CTNNB1: variants seen among roughly 807,000 people sequenced by gnomAD.
The protein encoded by CTNNB1 is catenin beta-1.
CTNNB1 carries 6 observed loss-of-function variants against 82.5 expected under a neutral mutation model. The observed-to-expected ratio is 0.07, with a 90% CI of 0.04 to 0.14. The LOEUF (loss-of-function observed/expected upper bound fraction) is 0.14. CTNNB1 is among the 10% of genes least tolerant of loss of function. The pLI is 1.00. For synonymous variants in CTNNB1, 312 were observed against 329.7 expected (o/e 0.95, Z 0.58); for missense variants, 529 against 980.4 (o/e 0.54, Z 6.15).
chr3:41,218,252 A>G (rs1039979541), intron 1 of CTNNB1, among the ~76,000 whole-genome samples: 1 of 152,120 alleles, frequency 6.6e-6, no homozygotes, highest in South Asian at 2.1e-4. Flanking sequence ...AAATTGCCAC[A>G]TTATATCTGG....
chr3:41,238,545 A>G (rs1164274537), intron 14 of CTNNB1: 1 of 192,968 alleles, frequency 5.2e-6, no homozygotes, highest in African/African-American at 2.4e-5. Flanking sequence ...ACTAACAATT[A>G]TAACTGTCTT....
intron 6 of CTNNB1, among the ~76,000 whole-genome samples, chr3:41,226,718 TGAAAG>T (rs1162958829): frequency 2.0e-5 from 3 of 152,050 alleles, no homozygotes; most frequent in Non-Finnish European, 2.9e-5. Context: ...GGGGCAGTGT[TGAAAG>T]GGAAGATATA....
chr3:41,215,879 T>A (rs1044846029), intron 1 of CTNNB1, among the ~76,000 whole-genome samples: 3 of 152,202 alleles, frequency 2.0e-5, no homozygotes, highest in Non-Finnish European at 4.4e-5. Flanking sequence ...ATTTCAAGTA[T>A]TAAAAGTTTT....
At chr3:41,231,450 T>C (rs1391795335) in intron 7 of CTNNB1, among the ~76,000 whole-genome samples, 1 of 152,034 alleles carries the variant, frequency 6.6e-6, no homozygotes, top group Non-Finnish European at 1.5e-5. Flanking sequence ...AGCAGAGCCA[T>C]AACATGCAGG....
chr3:41,232,496 C>G (rs1371873361), intron 7 of CTNNB1, among the ~76,000 whole-genome samples: 1 of 151,716 alleles, frequency 6.6e-6, no homozygotes, highest in African/African-American at 2.4e-5. Context: ...AAAACAGACC[C>G]GAAAGATGAA....
intron 2 of CTNNB1, 177 bp downstream of exon 2, chr3:41,224,258 C>G: frequency 1.2e-6 from 1 of 816,028 alleles, no homozygotes; most frequent in Non-Finnish European, 2.1e-6. Context: ...AAGCCACCAG[C>G]AGGAATCTAG....
Position 41,233,324 on chromosome 3 carries a change from C to G in CTNNB1, c.1082-17C>G, listed in dbSNP as rs2293302. The stretch of plus-strand genomic sequence containing the variant: ...CTAGCTAATGACTAGGGCCTTATAT[C>G]CTTTTTAATTTTCTAGGTGGAATGC... On this transcript the variant is annotated splice_polypyrimidine_tract_variant and intron_variant, in intron 7 of 14. Coordinates refer to ENST00000349496, the MANE Select transcript of CTNNB1 (RefSeq NM_001904.4). 28,207 of 1,611,154 alleles carry G rather than the reference C, an allele frequency of 0.018. 424 individuals carry two copies. Among genetic ancestry groups the G allele is most frequent in the African/African-American group, 0.053 (3,990 of 74,950 alleles).
intron 10 of CTNNB1, chr3:41,235,051 A>G (rs1411613300): frequency 6.5e-6 from 1 of 154,166 alleles, no homozygotes; most frequent in African/African-American, 2.4e-5. Context: ...CGTTGAGGGC[A>G]CCTTTTATTT....
At chr3:41,213,906 G>C (rs1289384739) in intron 1 of CTNNB1, among the ~76,000 whole-genome samples, 1 of 152,176 alleles carries the variant, frequency 6.6e-6, no homozygotes, top group Non-Finnish European at 1.5e-5. Context: ...ATGTAAGAGA[G>C]CCTCATAATT....
At chr3:41,230,559 A>G (rs1328262969) in intron 7 of CTNNB1, among the ~76,000 whole-genome samples, 1 of 152,250 alleles carries the variant, frequency 6.6e-6, no homozygotes, top group East Asian at 1.9e-4. Flanking sequence ...AGTCTTGTGA[A>G]GGTGACAAAA....
rs766044050 is a variant in CTNNB1, at chr3:41,224,515, C to T, written c.14-11C>T. 8 of 1,608,278 alleles carry T rather than the reference C, an allele frequency of 5.0e-6. No homozygotes were observed. The highest frequency in any genetic ancestry group is 2.2e-5 in the South Asian group (2 of 90,888). On this transcript the variant is annotated splice_polypyrimidine_tract_variant and intron_variant, in intron 2 of 14. Coordinates refer to ENST00000349496, the MANE Select transcript of CTNNB1 (RefSeq NM_001904.4). ...CAATCTACTAATGCTAATACTGTTT[C>T]GTATTTATAGCTGATTTGATGGAGT...
chr3:41,234,062 A>G, intron 9 of CTNNB1, 77 bp from the exon 10 acceptor site: 1 of 1,585,780 alleles, frequency 6.3e-7, no homozygotes, highest in Non-Finnish European at 8.7e-7. Flanking sequence ...ATACCAATAG[A>G]TTTAGTGTGG....
chr3:41,206,223 AT>A (rs879668656), intron 1 of CTNNB1, among the ~76,000 whole-genome samples: 1 of 152,154 alleles, frequency 6.6e-6, no homozygotes, highest in Non-Finnish European at 1.5e-5. Context: ...CTTGGGGGGT[AT>A]TTTTAACCTA....
intron 11 of CTNNB1, 147 bp from the exon 12 acceptor site, chr3:41,236,202 A>T (rs1207607907): frequency 9.9e-7 from 1 of 1,009,406 alleles, no homozygotes; most frequent in African/African-American, 1.6e-5. Context: ...AGCATTAAAC[A>T]CCCCAAGACA....
rs535312947 is a variant in CTNNB1 at position 41,240,392 on chromosome 3, A to G, written c.*1050A>G. The G allele has an allele frequency of 6.0e-5, 11 of 183,858 alleles. No homozygotes were observed. The highest frequency in any genetic ancestry group is 2.0e-4 in the South Asian group (1 of 5,092). 11.4% of individuals were successfully genotyped at this position (183,858 alleles called of 1,614,324 possible). On this transcript the variant is annotated 3_prime_UTR_variant, in exon 15 of 15. Coordinates refer to ENST00000349496, the MANE Select transcript of CTNNB1 (RefSeq NM_001904.4). ...TAACCTGCTGTGATACGATGCTTCAAGAGAAAATGCGGTTATAAAAAATGG... is the reference window on the plus strand; with the variant it reads ...TAACCTGCTGTGATACGATGCTTCAGGAGAAAATGCGGTTATAAAAAATGG...
chr3:41,211,039 CA>C (rs2077771939), intron 1 of CTNNB1: 1 of 456,526 alleles, frequency 2.2e-6, no homozygotes, highest in Non-Finnish European at 4.4e-6. Flanking sequence ...GTAATCCTCC[CA>C]CTTTGGCCTC....
At chr3:41,207,110 G>A (rs2077666565) in intron 1 of CTNNB1, among the ~76,000 whole-genome samples, 1 of 151,990 alleles carries the variant, frequency 6.6e-6, no homozygotes, top group Admixed American at 6.5e-5. Flanking sequence ...TTGTGCTGTC[G>A]TTTTTCCTGG....
At chr3:41,223,497 A>C (rs1424891892) in intron 1 of CTNNB1, among the ~76,000 whole-genome samples, 3 of 152,156 alleles carry the variant, frequency 2.0e-5, no homozygotes, top group Non-Finnish European at 4.4e-5. Flanking sequence ...AAAAATCTAA[A>C]ATTCGCTATT....
intron 1 of CTNNB1, among the ~76,000 whole-genome samples, chr3:41,209,701 T>C (rs1207715612): frequency 6.6e-6 from 1 of 152,212 alleles, no homozygotes; most frequent in Non-Finnish European, 1.5e-5. Flanking sequence ...TAGGTAATTG[T>C]AACATAAAGG....
Sources: allele counts gnomAD v4.1 joint callset (sites outside exome capture counted in the v4.1 genomes callset), GRCh38; gene constraint gnomAD v4.1.1; transcripts MANE v1.5; gene names NCBI Gene and HGNC (gene_info 2026-07-23, HGNC 2026-07-21).